The following SCN8A variants were observed in gnomAD, a reference collection of about 807,000 sequenced individuals.
The protein encoded by SCN8A is sodium channel protein type 8 subunit alpha.
A neutral mutation model predicts 184.1 loss-of-function variants in SCN8A; 30 were observed. The ratio of observed to expected loss-of-function variants is 0.16; its 90% CI spans 0.12 to 0.22. The LOEUF is 0.22. Ranked by LOEUF, SCN8A falls within the 10% of genes least tolerant of loss-of-function variation. SCN8A has a pLI of 1.00. For missense variants in SCN8A, 1,057 were observed against 2,498.9 expected, an observed-to-expected ratio of 0.42 and a Z score of 12.30; for synonymous variants, 852 against 907.0, an observed-to-expected ratio of 0.94 and a Z score of 1.09.
At chr12:51,671,640 C>T (rs1941133346) in intron 2 of SCN8A, among the ~76,000 whole-genome samples, 1 of 152,182 alleles carries the variant, frequency 6.6e-6, no homozygotes, top group Admixed American at 6.5e-5. Flanking sequence ...TCGATCATCT[C>T]TGACAATAAT....
intron 11 of SCN8A, 101 bp downstream of exon 11, chr12:51,706,816 C>A: frequency 1.2e-6 from 1 of 856,372 alleles, no homozygotes; most frequent in Non-Finnish European, 1.7e-6. Flanking sequence ...TTAAGTGTAC[C>A]GTTCAGTGTT....
rs769243993 is a variant in SCN8A, at chr12:51,770,678, G to A, written c.3640G>A (p.Ala1214Thr). 31 of 1,613,844 alleles carry A rather than the reference G, an allele frequency of 1.9e-5. No homozygotes were observed. The highest frequency in any genetic ancestry group is 7.7e-5 in the South Asian group (7 of 91,020). Residue 1214 changes from alanine to threonine, a missense_variant, in exon 19 of 27, where the codon GCC becomes ACC. Ala to Thr is a moderately conservative substitution (Grantham distance 58, BLOSUM62 0). This residue lies in a region of SCN8A where 43 missense variants were observed against 118.4 expected (regional missense o/e 0.36). Transcript: ENST00000627620. ...IIFMILLSSG[A>T]LAFEDIYIEQ... ...CTTCATGATTCTGCTGAGCAGTGGC[G>A]CCCTGGTGAGGTCCAGGGGAGAGTG...
intron 23 of SCN8A, among the ~76,000 whole-genome samples, 166 bp downstream of exon 23, chr12:51,788,914 C>T (rs1033550273): frequency 3.9e-5 from 6 of 152,036 alleles, no homozygotes; most frequent in African/African-American, 1.4e-4. Context: ...TCATTTTCCT[C>T]GTCTCAGTAA....
intron 12 of SCN8A, chr12:51,723,259 G>C (rs1317108483): frequency 6.6e-6 from 1 of 152,182 alleles, no homozygotes; most frequent in African/African-American, 2.4e-5. Flanking sequence ...CAAGGAAAGA[G>C]GATCACATGA....
chr12:51,758,289 T>C (rs916701657), intron 14 of SCN8A, among the ~76,000 whole-genome samples: 2 of 152,340 alleles, frequency 1.3e-5, no homozygotes, highest in Non-Finnish European at 2.9e-5. Context: ...ACACCCTATC[T>C]GTAAAATAAA....
At chr12:51,710,751 CAA>C (rs1941861196) in intron 11 of SCN8A, among the ~76,000 whole-genome samples, 1 of 152,202 alleles carries the variant, frequency 6.6e-6, no homozygotes, top group Non-Finnish European at 1.5e-5. Context: ...TAGTTATTCT[CAA>C]TATCTTCCTT....
chr12:51,673,221 T>C (rs1941162974), intron 2 of SCN8A, among the ~76,000 whole-genome samples: 1 of 152,204 alleles, frequency 6.6e-6, no homozygotes, highest in Non-Finnish European at 1.5e-5. Context: ...ATAGTATAAC[T>C]ATTTATAAAG....
chr12:51,611,614 C>T (rs1047950444), intron 1 of SCN8A, among the ~76,000 whole-genome samples: 1 of 152,100 alleles, frequency 6.6e-6, no homozygotes, highest in Non-Finnish European at 1.5e-5. Flanking sequence ...TCTCCTGCCT[C>T]AGCCTCCCAA....
At chr12:51,666,620 C>G (rs1046109385) in intron 2 of SCN8A, among the ~76,000 whole-genome samples, 1 of 152,144 alleles carries the variant, frequency 6.6e-6, no homozygotes, top group Non-Finnish European at 1.5e-5. Context: ...CCAGTGGAAT[C>G]CTTTATCTTT....
At chr12:51,608,357 C>T (rs1004179655) in intron 1 of SCN8A, among the ~76,000 whole-genome samples, 2 of 152,028 alleles carry the variant, frequency 1.3e-5, no homozygotes, top group African/African-American at 4.8e-5. Flanking sequence ...GCTGTGAATC[C>T]TTCTGGTCCT....
chr12:51,654,508 G>C lies in SCN8A; in HGVS notation c.-54-8256G>C, dbSNP rs928334157. Among the ~76,000 whole-genome samples, 4 of 152,182 alleles carry C rather than the reference G, an allele frequency of 2.6e-5. 1 individual carries two copies. Among genetic ancestry groups the C allele is most frequent in the Admixed American group, 2.6e-4 (4 of 15,282 alleles). On this transcript the variant is annotated intron_variant, in intron 1 of 26. Coordinates refer to ENST00000627620, the MANE Select transcript of SCN8A (RefSeq NM_001330260.2). ...AAAAATCATTTGACCATATATGTGAGGGTTTATTTCTGGGCTCTTTAATCT... is the reference window on the plus strand; with the variant it reads ...AAAAATCATTTGACCATATATGTGACGGTTTATTTCTGGGCTCTTTAATCT...
chr12:51,786,490 G>T, intron 21 of SCN8A, 52 bp from the exon 22 acceptor site: 1 of 1,596,926 alleles, frequency 6.3e-7, no homozygotes, highest in African/African-American at 1.3e-5. Context: ...ATCAAAAAAT[G>T]TGCTTGCTCT....
intron 20 of SCN8A, among the ~76,000 whole-genome samples, chr12:51,777,134 C>T (rs1190351940): frequency 6.6e-6 from 1 of 152,172 alleles, no homozygotes; most frequent in Non-Finnish European, 1.5e-5. Flanking sequence ...TTGCCTTGGC[C>T]TGAATTCAGA....
chr12:51,599,045 A>G (rs781643694), intron 1 of SCN8A, among the ~76,000 whole-genome samples: 1 of 152,176 alleles, frequency 6.6e-6, no homozygotes, highest in Non-Finnish European at 1.5e-5. Context: ...TTTTCCTTAT[A>G]GAATTACCTG....
intron 20 of SCN8A, 84 bp from the exon 21 acceptor site, chr12:51,780,565 C>CTTTCTTT (rs1937873239): frequency 2.7e-5 from 8 of 297,804 alleles, no homozygotes; most frequent in African/African-American, 1.3e-4. Context: ...TGTTTTCTTT[C>CTTTCTTT]TTTTTTTTTT....
At chr12:51,604,178 G>A (rs1012042634) in intron 1 of SCN8A, among the ~76,000 whole-genome samples, 3 of 151,776 alleles carry the variant, frequency 2.0e-5, no homozygotes, top group Admixed American at 1.3e-4. Flanking sequence ...TAAAAATTTT[G>A]TGTAGTTTTA....
intron 1 of SCN8A, among the ~76,000 whole-genome samples, chr12:51,612,064 G>A (rs1939731709): frequency 2.0e-5 from 3 of 152,134 alleles, no homozygotes; most frequent in Admixed American, 6.5e-5. Flanking sequence ...GATATCAAAT[G>A]TGGGTAGCGA....
chr12:51,807,345 T>G lies in SCN8A; in HGVS notation c.5859T>G (p.Pro1953=). 1 of 1,612,838 alleles carries G rather than the reference T, an allele frequency of 6.2e-7. No individual in the cohort carries two copies. Among genetic ancestry groups the G allele is most frequent in the Non-Finnish European group, 8.5e-7 (1 of 1,179,624 alleles). ...CGTCCTATGACAGTGTAACTAAACC[T>G]GAAAAGGAGAAACAGCAGCGGGCAG... ...SLPSYDSVTK[P]EKEKQQRAEE... The change falls in exon 27 of 27, where the codon CCT becomes CCG. Residue 1953 remains proline, a synonymous_variant. Coordinates refer to ENST00000627620, the MANE Select transcript of SCN8A (RefSeq NM_001330260.2). This position sits in a 1 kb window ranked among gnomAD's most constrained non-coding sequence, Gnocchi z 4.5.
intron 13 of SCN8A, among the ~76,000 whole-genome samples, chr12:51,747,839 C>T (rs1000187263): frequency 7.1e-6 from 1 of 140,538 alleles, no homozygotes; most frequent in Non-Finnish European, 1.5e-5. Flanking sequence ...TTATTCTCCA[C>T]CCTTTACCCA....
Sources: allele counts gnomAD v4.1 joint callset (sites outside exome capture counted in the v4.1 genomes callset), GRCh38; gene constraint gnomAD v4.1.1; regional missense constraint gnomAD v4.1.1; non-coding constraint Gnocchi (gnomAD v3.1); transcripts MANE v1.5; gene names NCBI Gene and HGNC (gene_info 2026-07-23, HGNC 2026-07-21).